ADGRL2: variants seen among roughly 807,000 people sequenced by gnomAD.
The protein encoded by ADGRL2 is adhesion G protein-coupled receptor L2, also known as calcium-independent alpha-latrotoxin receptor 2.
A neutral mutation model predicts 157.4 loss-of-function variants in ADGRL2; 44 were observed. The ratio of observed to expected loss-of-function variants is 0.28; its 90% CI spans 0.22 to 0.36. The LOEUF (loss-of-function observed/expected upper bound fraction) is 0.36. Ranked by LOEUF, ADGRL2 falls within the 10% of genes least tolerant of loss-of-function variation. ADGRL2 has a pLI of 1.00. For synonymous variants in ADGRL2, 585 were observed against 624.7 expected, an observed-to-expected ratio of 0.94 and a Z score of 0.95; for missense variants, 1,510 against 1,768.9, an observed-to-expected ratio of 0.85 and a Z score of 2.63.
intron 2 of ADGRL2, among the ~76,000 whole-genome samples, chr1:81,868,521 C>G (rs1430258035): frequency 6.6e-6 from 1 of 152,056 alleles, no homozygotes; most frequent in Non-Finnish European, 1.5e-5. Flanking sequence ...CTGGGTTCAG[C>G]CATACTGATC....
intron 1 of ADGRL2, among the ~76,000 whole-genome samples, chr1:81,380,057 T>C (rs749243804): frequency 5.9e-5 from 9 of 152,126 alleles, no homozygotes; most frequent in Non-Finnish European, 1.2e-4. Context: ...TGAATTCATC[T>C]CTCGCTTTCC....
intron 2 of ADGRL2, among the ~76,000 whole-genome samples, chr1:81,878,294 T>G (rs1172088348): frequency 6.6e-6 from 1 of 152,184 alleles, no homozygotes; most frequent in Non-Finnish European, 1.5e-5. Flanking sequence ...GAATAGATGT[T>G]GAAGAAATTA....
rs779065699 is a variant in ADGRL2 at position 81,950,139 on chromosome 1, G to A, written c.1211-50G>A. The A allele has an allele frequency of 2.7e-6, 4 of 1,472,144 alleles. No individual in the cohort carries two copies. The South Asian group carries it at 3.6e-5, about 13-fold the overall frequency. The allele number at this position is 1,472,144 out of a possible 1,614,324, so 91.2% of individuals were successfully genotyped here. On this transcript the variant is annotated intron_variant, in intron 6 of 23. Transcript: ENST00000686636. ...ACATTCCATGTGTGCATGACTGTAT[G>A]TGAGTGCAAGTGTGTGTTTGAGATT...
intron 1 of ADGRL2, among the ~76,000 whole-genome samples, chr1:81,393,825 T>TTTTTTTTGC (rs1208168170): frequency 6.6e-6 from 1 of 151,576 alleles, no homozygotes; most frequent in Non-Finnish European, 1.5e-5. Flanking sequence ...TTGCTTTTTT[T>TTTTTTTTGC]TTTTTTTTGC....
rs377018711 is a variant in ADGRL2, at chr1:81,681,755, CA to C, written c.-142-80055del. 5.3e-5 allele frequency among the ~76,000 whole-genome samples: 8 copies of C among 152,282 alleles called. No homozygotes were observed. The East Asian group carries it at 1.4e-3, about 26-fold the overall frequency. On this transcript the variant is annotated intron_variant, in intron 3 of 24. Transcript: ENST00000370721. ...GCATAGCACCGCAACAGCAGCAAAGCAGGTGGGGCTTTGCCAAGCACTTGTT... is the reference window on the plus strand; with the variant it reads ...GCATAGCACCGCAACAGCAGCAAAGCGGTGGGGCTTTGCCAAGCACTTGTT...
chr1:81,309,554 C>T (rs1488171729), intron 1 of ADGRL2, among the ~76,000 whole-genome samples: 1 of 152,086 alleles, frequency 6.6e-6, no homozygotes, highest in Non-Finnish European at 1.5e-5. Flanking sequence ...AAAAGTGCTC[C>T]GATTTACCCA....
At chr1:81,519,062 G>A (rs938710292) in intron 2 of ADGRL2, among the ~76,000 whole-genome samples, 11 of 152,148 alleles carry the variant, frequency 7.2e-5, no homozygotes, top group African/African-American at 2.7e-4. Flanking sequence ...CCATTTTACA[G>A]ATGGGTGAAT....
chr1:81,510,360 A>G (rs1348391459), intron 2 of ADGRL2, among the ~76,000 whole-genome samples: 1 of 152,140 alleles, frequency 6.6e-6, no homozygotes, highest in African/African-American at 2.4e-5. Context: ...TTTTCATCGT[A>G]AGGATGGTAG....
intron 7 of ADGRL2, among the ~76,000 whole-genome samples, 181 bp from the exon 8 acceptor site, chr1:81,950,837 C>T (rs1557982748): frequency 1.3e-5 from 2 of 152,170 alleles, no homozygotes. Flanking sequence ...TATTTCTATG[C>T]TGACTTCATA....
chr1:81,362,356 T>C (rs1367917331), intron 1 of ADGRL2, among the ~76,000 whole-genome samples: 2 of 151,426 alleles, frequency 1.3e-5, no homozygotes, highest in South Asian at 4.2e-4. Context: ...TTTCATTATG[T>C]TCAAGGTTAA....
chr1:81,344,504 C>T (rs867701997), intron 1 of ADGRL2, among the ~76,000 whole-genome samples: 5 of 151,504 alleles, frequency 3.3e-5, no homozygotes, highest in Admixed American at 6.6e-5. Context: ...TGGAGAAACC[C>T]CATCTCTACT....
At chr1:81,784,232 A>G (rs896109979) in intron 2 of ADGRL2, among the ~76,000 whole-genome samples, 6 of 152,212 alleles carry the variant, frequency 3.9e-5, no homozygotes, top group Non-Finnish European at 2.9e-5. Context: ...GGTAATGGAG[A>G]AGAAAACATT....
intron 1 of ADGRL2, among the ~76,000 whole-genome samples, chr1:81,745,447 A>G (rs1363697707): frequency 6.6e-6 from 1 of 152,142 alleles, no homozygotes; most frequent in Non-Finnish European, 1.5e-5. Flanking sequence ...TTAGGTTGAA[A>G]CAGAGTTTTG....
At chr1:81,727,695 T>C (rs2149161646) in intron 1 of ADGRL2, among the ~76,000 whole-genome samples, 1 of 152,250 alleles carries the variant, frequency 6.6e-6, no homozygotes, top group Admixed American at 6.5e-5. Flanking sequence ...CCTTCCAAAG[T>C]ACTGGGATTG....
intron 2 of ADGRL2, among the ~76,000 whole-genome samples, chr1:81,891,623 T>C (rs2094266863): frequency 6.6e-6 from 1 of 152,164 alleles, no homozygotes. Context: ...CCTTTCCATT[T>C]CTTACCTACT....
intron 3 of ADGRL2, among the ~76,000 whole-genome samples, chr1:81,688,892 T>C (rs1259764464): frequency 1.3e-5 from 2 of 152,206 alleles, no homozygotes; most frequent in East Asian, 3.9e-4. Context: ...CCTCTTTTCC[T>C]ATGGATGTGG....
At chr1:81,674,937 TA>T (rs1056778286) in intron 3 of ADGRL2, among the ~76,000 whole-genome samples, 10 of 152,102 alleles carry the variant, frequency 6.6e-5, no homozygotes, top group African/African-American at 2.4e-4. Context: ...TAAAATAAAA[TA>T]AAAAAAGAAA....
At chr1:81,316,690 G>T (rs1660130312) in intron 1 of ADGRL2, among the ~76,000 whole-genome samples, 1 of 152,052 alleles carries the variant, frequency 6.6e-6, no homozygotes, top group Non-Finnish European at 1.5e-5. Context: ...AAAATTTTTT[G>T]CTGACAAGAT....
chr1:81,504,924 G>C (rs1331264389), intron 2 of ADGRL2, among the ~76,000 whole-genome samples: 2 of 152,192 alleles, frequency 1.3e-5, no homozygotes, highest in African/African-American at 2.4e-5. Flanking sequence ...GGCGGCTCCT[G>C]TGCTGTAAAG....
Sources: gnomAD v4.1 joint callset for allele counts (sites outside exome capture counted in the v4.1 genomes callset) on GRCh38, gnomAD v4.1.1 for gene constraint, MANE v1.5 for transcripts, NCBI Gene and HGNC (gene_info 2026-07-23, HGNC 2026-07-21) for gene names.